TBC1D9: variants seen among roughly 807,000 people sequenced by gnomAD.
The protein encoded by TBC1D9 is TBC1 domain family member 9A.
Under a neutral mutation model 132.0 loss-of-function variants are expected in TBC1D9, and 63 were observed. The observed-to-expected ratio is 0.48, with a 90% CI of 0.39 to 0.59. The LOEUF (loss-of-function observed/expected upper bound fraction) is 0.59. TBC1D9 is among the 20% of genes least tolerant of loss of function. The pLI is 0.00. For missense variants in TBC1D9, 1,261 were observed against 1,592.7 expected (o/e 0.79, Z 3.54); for synonymous variants, 610 against 609.9 (o/e 1.00, Z 0.00).
At chr4:140,726,550 C>T (rs143955443) in intron 1 of TBC1D9, among the ~76,000 whole-genome samples, 22 of 152,210 alleles carry the variant, frequency 1.4e-4, no homozygotes, top group African/African-American at 5.3e-4. Context: ...CTTAAATACA[C>T]ACAAACATAA....
At chr4:140,650,402 C>T (rs928423648) in intron 13 of TBC1D9, among the ~76,000 whole-genome samples, 7 of 152,228 alleles carry the variant, frequency 4.6e-5, no homozygotes, top group Non-Finnish European at 7.3e-5. Flanking sequence ...TCAACTCTAG[C>T]AGGCTCCAGC....
At chr4:140,694,177 G>T (rs1737916843) in intron 2 of TBC1D9, among the ~76,000 whole-genome samples, 1 of 152,098 alleles carries the variant, frequency 6.6e-6, no homozygotes, top group African/African-American at 2.4e-5. Context: ...TATTCACTAA[G>T]ATTGTTCAAA....
intron 2 of TBC1D9, among the ~76,000 whole-genome samples, chr4:140,690,518 T>C (rs1027985603): frequency 2.6e-5 from 4 of 152,026 alleles, no homozygotes; most frequent in African/African-American, 9.7e-5. Flanking sequence ...CTGTCCTTCC[T>C]TCCTCACTTG....
intron 6 of TBC1D9, among the ~76,000 whole-genome samples, chr4:140,673,823 T>C (rs1737579368): frequency 6.6e-6 from 1 of 152,204 alleles, no homozygotes; most frequent in South Asian, 2.1e-4. Flanking sequence ...TTAATCACCA[T>C]TCTCTCAATT....
At position 140,628,317 on chromosome 4, in the gene TBC1D9, T is replaced by C; in HGVS notation, c.2795A>G (p.Lys932Arg). ...TCACTCACCAGGCAAGACGTGCATT[T>C]TGTACAGGAGTTTGAGCTTCTCTGT... The part of the protein sequence containing the change: ...DLTEKLKLLY[K>R]MHVLPEPSSD... The change falls in exon 17 of 21, where the codon AAA becomes AGA. Residue 932 changes from lysine (K) to arginine (R), a missense_variant. By Grantham distance (26) the Lys-to-Arg change is conservative (BLOSUM62 2). Transcript: ENST00000442267. 6.2e-7 allele frequency: 1 copy of C among 1,613,942 alleles called. No homozygotes were observed. Among genetic ancestry groups the C allele is most frequent in the South Asian group, 1.1e-5 (1 of 91,072 alleles).
intron 1 of TBC1D9, among the ~76,000 whole-genome samples, chr4:140,734,339 A>G (rs1738642278): frequency 6.6e-6 from 1 of 152,134 alleles, no homozygotes; most frequent in African/African-American, 2.4e-5. Context: ...CATGTATCCC[A>G]GGCTGGTCTT....
chr4:140,642,090 G>C, intron 13 of TBC1D9: 1 of 717,208 alleles, frequency 1.4e-6, no homozygotes, highest in Non-Finnish European at 2.6e-6. Context: ...CGGAGGAGGG[G>C]GTGTGTGCCA....
Position 140,670,854 on chromosome 4 carries a change from T to C in TBC1D9, c.1132A>G (p.Met378Val). The C allele has an allele frequency of 6.2e-7, 1 of 1,614,042 alleles. No individual in the cohort carries two copies. The highest frequency in any genetic ancestry group is 1.3e-5 in the African/African-American group (1 of 75,060). Reference sequence around the variant, plus strand: ...TTCAAGTTGGCAAATAGGAAGGTCATCCTGTTTCGGGTGCTGATGGATAAG... The same window carrying C: ...TTCAAGTTGGCAAATAGGAAGGTCACCCTGTTTCGGGTGCTGATGGATAAG... ...SPLSISTRNR[M>V]TFLFANLKDR... Residue 378 changes from methionine to valine, a missense_variant, in exon 7 of 21, where the codon ATG (methionine) becomes GTG (valine). Met to Val is a conservative substitution (Grantham distance 21, BLOSUM62 1). Transcript: ENST00000442267.
chr4:140,681,336 A>T (rs1160380289), intron 3 of TBC1D9, among the ~76,000 whole-genome samples: 1 of 152,156 alleles, frequency 6.6e-6, no homozygotes, highest in Non-Finnish European at 1.5e-5. Flanking sequence ...ACATGAAGTA[A>T]TGTTGATTCT....
chr4:140,729,818 CAAAAAA>C (rs35283552), intron 1 of TBC1D9, among the ~76,000 whole-genome samples: 4 of 51,916 alleles, frequency 7.7e-5, no homozygotes, highest in Admixed American at 3.2e-4. Flanking sequence ...GATTCCATCT[CAAAAAA>C]AAAAAAAAAA....
At chr4:140,720,908 T>C (rs186331771) in intron 1 of TBC1D9, among the ~76,000 whole-genome samples, 2 of 152,344 alleles carry the variant, frequency 1.3e-5, no homozygotes, top group East Asian at 3.9e-4. Flanking sequence ...TCTTTGTGTG[T>C]GCGCCCAGAC....
At chr4:140,710,733 G>GT (rs1274507775) in intron 1 of TBC1D9, among the ~76,000 whole-genome samples, 4 of 152,140 alleles carry the variant, frequency 2.6e-5, no homozygotes, top group Non-Finnish European at 5.9e-5. Flanking sequence ...CTTCTCCTGG[G>GT]TGGGGGGGTG....
At chr4:140,641,815 G>C in intron 13 of TBC1D9, 1 of 294,684 alleles carries the variant, frequency 3.4e-6, no homozygotes, top group Non-Finnish European at 6.5e-6. Flanking sequence ...CAAGAACCCA[G>C]ATGGCGGCCT....
chr4:140,657,048 A>G (rs770830686), intron 13 of TBC1D9, 49 bp downstream of exon 13: 1 of 1,596,404 alleles, frequency 6.3e-7, no homozygotes, highest in South Asian at 1.1e-5. Flanking sequence ...CAGCAGTGGA[A>G]GTGTCGAATG....
chr4:140,643,206 G>C, intron 13 of TBC1D9: 1 of 1,393,812 alleles, frequency 7.2e-7, no homozygotes, highest in African/African-American at 1.4e-5. Flanking sequence ...AGCCACCAGG[G>C]CCCGCTCCGC....
At chr4:140,741,854 C>G (rs181826627) in intron 1 of TBC1D9, among the ~76,000 whole-genome samples, 54 of 152,314 alleles carry the variant, frequency 3.5e-4, no homozygotes, top group African/African-American at 1.2e-3. Context: ...TCTATTGATT[C>G]CAAGTCTTTA....
intron 1 of TBC1D9, among the ~76,000 whole-genome samples, chr4:140,707,080 T>C (rs1738160610): frequency 6.6e-6 from 1 of 152,182 alleles, no homozygotes; most frequent in Admixed American, 6.5e-5. Flanking sequence ...CAAGAAAGTG[T>C]GAGAATACCT....
chr4:140,644,934 C>A (rs1737079042), intron 13 of TBC1D9: 1 of 452,094 alleles, frequency 2.2e-6, no homozygotes, highest in Non-Finnish European at 4.4e-6. Flanking sequence ...AGGGGCCATG[C>A]CCTAGTGCAG....
chr4:140,720,992 G>C (rs918948804), intron 1 of TBC1D9, among the ~76,000 whole-genome samples: 3 of 152,148 alleles, frequency 2.0e-5, no homozygotes, highest in Admixed American at 2.0e-4. Context: ...CTTTCACCGA[G>C]GTCAGAGCCC....
Sources: gnomAD v4.1 joint callset for allele counts (sites outside exome capture counted in the v4.1 genomes callset) on GRCh38, gnomAD v4.1.1 for gene constraint, MANE v1.5 for transcripts, NCBI Gene and HGNC (gene_info 2026-07-23, HGNC 2026-07-21) for gene names.